The following DNASE1 variants were observed in gnomAD, a reference collection of about 807,000 sequenced individuals.
DNASE1 encodes the protein deoxyribonuclease 1.
Under a neutral mutation model 33.9 loss-of-function variants are expected in DNASE1, and 40 were observed. The observed-to-expected ratio is 1.18, with a 90% confidence interval of 0.92 to 1.54. The LOEUF is 1.54. Among genes scored for constraint, DNASE1 ranks in the 40% most tolerant of loss-of-function variants. DNASE1 has a pLI of 0.00. For missense variants in DNASE1, 518 were observed against 372.6 expected, an observed-to-expected ratio of 1.39 and a Z score of -3.21; for synonymous variants, 216 against 160.0, an observed-to-expected ratio of 1.35 and a Z score of -2.64.
chr16:3,626,396 T>C (rs182981777), intron 1 of DNASE1, among the ~76,000 whole-genome samples: 13 of 152,300 alleles, frequency 8.5e-5, no homozygotes, highest in Admixed American at 8.5e-4. Flanking sequence ...TGAGCCATGG[T>C]TATTTAGAAG....
At chr16:3,655,658 C>CCTGT in intron 2 of DNASE1, 138 bp downstream of exon 2, 1 of 1,464,540 alleles carries the variant, frequency 6.8e-7, no homozygotes, top group Non-Finnish European at 9.4e-7. Flanking sequence ...GTGGAACAGG[C>CCTGT]TCTTGGCTGT....
intron 1 of DNASE1, among the ~76,000 whole-genome samples, chr16:3,631,556 G>A (rs2041700737): frequency 6.7e-6 from 1 of 150,042 alleles, no homozygotes; most frequent in Non-Finnish European, 1.5e-5. Context: ...ACGGAGTCTC[G>A]CTCTGTTGCC....
intron 1 of DNASE1, among the ~76,000 whole-genome samples, chr16:3,625,688 A>T (rs922545565): frequency 6.6e-6 from 1 of 152,166 alleles, no homozygotes; most frequent in Non-Finnish European, 1.5e-5. Context: ...CATAGGAGGG[A>T]ATCTTCATGA....
chr16:3,625,261 G>A (rs958902573), intron 1 of DNASE1, among the ~76,000 whole-genome samples: 21 of 152,048 alleles, frequency 1.4e-4, no homozygotes, highest in South Asian at 2.1e-4. Flanking sequence ...AGCCGAGATC[G>A]TACCACTGCA....
In DNASE1 at chr16:3,655,923, G is replaced by C; in HGVS notation, c.222G>C (p.Leu74=). The part of the protein sequence containing the change: ...DSHLTAVGKL[L]DNLNQDAPDT... ...ACCTGACTGCCGTGGGGAAGCTGCT[G>C]GACAACCTCAATCAGTGGGTGACAG... The change falls in exon 3 of 9, where the codon CTG becomes CTC. Residue 74 remains leucine, a synonymous_variant. Coordinates refer to ENST00000246949, the MANE Select transcript of DNASE1 (RefSeq NM_005223.4). 1 of 1,614,062 alleles carries C rather than the reference G, an allele frequency of 6.2e-7. No homozygotes were observed. The highest frequency in any genetic ancestry group is 8.5e-7 in the Non-Finnish European group (1 of 1,180,012).
chr16:3,639,103 C>T (rs1756901089), upstream of DNASE1, among the ~76,000 whole-genome samples: 1 of 152,142 alleles, frequency 6.6e-6, no homozygotes, highest in South Asian at 2.1e-4. Context: ...GTCATATTTT[C>T]CTCTCTTTCT....
At chr16:3,619,487 G>T (rs558117694) in intron 1 of DNASE1, among the ~76,000 whole-genome samples, 2 of 151,496 alleles carry the variant, frequency 1.3e-5, no homozygotes, top group South Asian at 4.2e-4. Flanking sequence ...TCAGCCTCCC[G>T]AGTAGCTGGG....
chr16:3,633,287 C>T lies in DNASE1; in HGVS notation c.-1358-7428C>T, dbSNP rs367965857. Among the ~76,000 whole-genome samples the T allele has an allele frequency of 1.6e-3, 246 of 152,162 alleles. 5 individuals carry two copies. In the Middle Eastern group the frequency reaches 0.02, roughly 13 times the overall value. ...TTACATTTTTTCCTCTCTTAGCATG[C>T]CAATTATGCTTCTTATTATATACTT... On this transcript the variant is annotated intron_variant and NMD_transcript_variant, in intron 1 of 11. Transcript: ENST00000570769.
At chr16:3,656,527 C>G (rs2042643600) in intron 4 of DNASE1, 111 bp from the exon 5 acceptor site, 1 of 766,714 alleles carries the variant, frequency 1.3e-6, no homozygotes, top group Non-Finnish European at 2.2e-6. Flanking sequence ...TGAGCAGGTG[C>G]CTGGCTCCCC....
At chr16:3,661,854 G>C, downstream of DNASE1, 1 of 1,213,428 alleles carries the variant, frequency 8.2e-7, no homozygotes, top group Non-Finnish European at 1.1e-6. Flanking sequence ...ACTGCATACA[G>C]CTCCTTATAG....
downstream of DNASE1, chr16:3,661,975 G>T: frequency 6.3e-7 from 1 of 1,594,212 alleles, no homozygotes; most frequent in Non-Finnish European, 8.6e-7. Flanking sequence ...AGAGCCAGGA[G>T]CGTGGCCTCA....
At chr16:3,631,321 C>T (rs2041691741) in intron 1 of DNASE1, among the ~76,000 whole-genome samples, 1 of 151,982 alleles carries the variant, frequency 6.6e-6, no homozygotes, top group Non-Finnish European at 1.5e-5. Flanking sequence ...TTTCCTGCCT[C>T]AGCCTCCCTA....
At chr16:3,635,087 T>G (rs2041827528) in intron 1 of DNASE1, among the ~76,000 whole-genome samples, 1 of 152,146 alleles carries the variant, frequency 6.6e-6, no homozygotes, top group Non-Finnish European at 1.5e-5. Context: ...CTTGAGTAAC[T>G]GGGTCTAGAG....
At chr16:3,625,680 TAGG>T (rs910581275) in intron 1 of DNASE1, among the ~76,000 whole-genome samples, 3 of 152,104 alleles carry the variant, frequency 2.0e-5, no homozygotes, top group African/African-American at 4.8e-5. Flanking sequence ...AAAAAAGGCA[TAGG>T]AGGGAATCTT....
At chr16:3,626,306 G>T (rs2041508985) in intron 1 of DNASE1, among the ~76,000 whole-genome samples, 1 of 152,070 alleles carries the variant, frequency 6.6e-6, no homozygotes, top group Non-Finnish European at 1.5e-5. Flanking sequence ...AAACCACAGT[G>T]AGTGATCACT....
At chr16:3,625,368 C>G (rs2041475636) in intron 1 of DNASE1, among the ~76,000 whole-genome samples, 2 of 151,834 alleles carry the variant, frequency 1.3e-5, no homozygotes, top group African/African-American at 4.8e-5. Context: ...CTTGTAGTCT[C>G]TGAAACTTGG....
chr16:3,663,209 A>G (rs1342159507), exon 10 of DNASE1: 1 of 703,914 alleles, frequency 1.4e-6, no homozygotes, highest in African/African-American at 1.8e-5. Context: ...GGCCAGCTCC[A>G]GAAGCCACCG....
At chr16:3,640,870 A>G (rs1403523458), upstream of DNASE1, 18 of 398,324 alleles carry the variant, frequency 4.5e-5, no homozygotes, top group Admixed American at 5.3e-4. Flanking sequence ...GCACCTCCTC[A>G]TGGGCTCAAG....
At chr16:3,661,138 G>T (rs2043051467), downstream of DNASE1, 1 of 151,958 alleles carries the variant, frequency 6.6e-6, no homozygotes, top group African/African-American at 2.4e-5. Flanking sequence ...TACCCCATAA[G>T]ACACATCAAA....
Sources: gnomAD v4.1 joint callset for allele counts (sites outside exome capture counted in the v4.1 genomes callset) on GRCh38, gnomAD v4.1.1 for gene constraint, MANE v1.5 for transcripts, NCBI Gene and HGNC (gene_info 2026-07-23, HGNC 2026-07-21) for gene names.